CCDC171: variants seen among roughly 807,000 people sequenced by gnomAD.
CCDC171 encodes coiled-coil domain-containing protein 171.
CCDC171 carries 177 observed loss-of-function variants against 168.2 expected under a neutral mutation model. The observed-to-expected ratio is 1.05, with a 90% CI of 0.93 to 1.19. The LOEUF is 1.19. CCDC171 is among the 50% of genes most tolerant of loss of function. CCDC171 has a pLI of 0.00. For synonymous variants in CCDC171, 687 were observed against 540.8 expected, an observed-to-expected ratio of 1.27 and a Z score of -3.75; for missense variants, 1,991 against 1,539.0, an observed-to-expected ratio of 1.29 and a Z score of -4.91.
intron 18 of CCDC171, among the ~76,000 whole-genome samples, chr9:15,752,212 G>T (rs965444455): frequency 1.7e-4 from 26 of 152,070 alleles, no homozygotes; most frequent in Admixed American, 1.7e-3. Flanking sequence ...AGTTACCATC[G>T]CACACCAGTT....
intron 18 of CCDC171, among the ~76,000 whole-genome samples, chr9:15,763,487 T>C (rs118130387): frequency 1.3e-5 from 2 of 152,256 alleles, no homozygotes; most frequent in Non-Finnish European, 2.9e-5. Context: ...GCATAAACTA[T>C]CAGATGCTCA....
chr9:15,882,104 A>G (rs1007513922), intron 24 of CCDC171, among the ~76,000 whole-genome samples: 2 of 152,118 alleles, frequency 1.3e-5, no homozygotes, highest in Non-Finnish European at 2.9e-5. Flanking sequence ...ACTGGCATCC[A>G]TTATTGCCTG....
At chr9:15,575,763 C>T (rs2040600956) in intron 3 of CCDC171, among the ~76,000 whole-genome samples, 1 of 152,200 alleles carries the variant, frequency 6.6e-6, no homozygotes, top group South Asian at 2.1e-4. Flanking sequence ...TGAGTATCAT[C>T]AATAGAAATC....
At chr9:15,639,718 A>G (rs1564112844) in intron 7 of CCDC171, among the ~76,000 whole-genome samples, 1 of 152,144 alleles carries the variant, frequency 6.6e-6, no homozygotes. Flanking sequence ...AGAACTGCAT[A>G]GTTAATCATG....
intron 3 of CCDC171, among the ~76,000 whole-genome samples, chr9:16,008,485 C>A (rs1051562632): frequency 1.3e-5 from 2 of 152,184 alleles, no homozygotes; most frequent in South Asian, 2.1e-4. Context: ...ACCTTTCATG[C>A]GTCCAGAAAT....
At chr9:15,806,897 GT>G (rs2059109004) in intron 21 of CCDC171, among the ~76,000 whole-genome samples, 1 of 152,064 alleles carries the variant, frequency 6.6e-6, no homozygotes, top group South Asian at 2.1e-4. Flanking sequence ...GTAATCCCAT[GT>G]TTCTCAGAGG....
intron 25 of CCDC171, among the ~76,000 whole-genome samples, chr9:15,951,004 A>G (rs3124461): frequency 0.44 from 66,520 of 149,606 alleles, 15,082 homozygotes; most frequent in African/African-American, 0.51. Flanking sequence ...CTTTAAACCA[A>G]CAAAGATCAA....
Position 15,962,103 on chromosome 9 carries a change from C to A in CCDC171, c.3754-9506C>A, listed in dbSNP as rs1830400875. On this transcript the variant is annotated intron_variant, in intron 25 of 25. Coordinates refer to ENST00000380701, the MANE Select transcript of CCDC171 (RefSeq NM_173550.4). ...GTCCATAAATAAAGTTATATTGGAA[C>A]ACAGCCATGCTCATTCATTTACATA... Among the ~76,000 whole-genome samples, 6 of 152,130 alleles carry A rather than the reference C, an allele frequency of 3.9e-5. No individual in the cohort carries two copies. In the South Asian group the frequency reaches 1.2e-3, roughly 32 times the overall value.
chr9:15,663,453 C>G (rs981626664), intron 8 of CCDC171, among the ~76,000 whole-genome samples: 1 of 151,972 alleles, frequency 6.6e-6, no homozygotes, highest in Non-Finnish European at 1.5e-5. Flanking sequence ...TTCCTCTACC[C>G]TCCTGCCTGC....
At chr9:15,659,945 G>C (rs546294221) in intron 8 of CCDC171, among the ~76,000 whole-genome samples, 7 of 152,144 alleles carry the variant, frequency 4.6e-5, no homozygotes, top group African/African-American at 1.4e-4. Flanking sequence ...TACATCAAAG[G>C]CTACTTATAT....
chr9:15,976,463 A>G (rs1420231779), downstream of CCDC171, among the ~76,000 whole-genome samples: 3 of 152,066 alleles, frequency 2.0e-5, no homozygotes, highest in South Asian at 4.1e-4. Context: ...TTAACCTGTG[A>G]TTTCAATGTA....
intron 7 of CCDC171, among the ~76,000 whole-genome samples, chr9:15,646,858 C>G (rs951025208): frequency 6.6e-6 from 1 of 152,162 alleles, no homozygotes; most frequent in African/African-American, 2.4e-5. Flanking sequence ...AGAAAGTTAA[C>G]AAGGATATCC....
intron 11 of CCDC171, among the ~76,000 whole-genome samples, chr9:15,710,350 C>G (rs1257982635): frequency 6.6e-6 from 1 of 151,904 alleles, no homozygotes; most frequent in Non-Finnish European, 1.5e-5. Flanking sequence ...CTCTGTCACC[C>G]AGGCTGGAGT....
At chr9:15,736,641 G>A (rs1158841789) in intron 16 of CCDC171, among the ~76,000 whole-genome samples, 1 of 149,078 alleles carries the variant, frequency 6.7e-6, no homozygotes, top group Non-Finnish European at 1.5e-5. Context: ...TGTGAGCCAC[G>A]GTGCCCGGCT....
At chr9:15,969,036 G>T (rs1029548410) in intron 25 of CCDC171, among the ~76,000 whole-genome samples, 2 of 152,076 alleles carry the variant, frequency 1.3e-5, no homozygotes, top group African/African-American at 4.8e-5. Context: ...AAATCTCTCT[G>T]TCTCTCTTTT....
At chr9:15,720,305 T>G (rs1200553800) in intron 11 of CCDC171, among the ~76,000 whole-genome samples, 1 of 152,200 alleles carries the variant, frequency 6.6e-6, no homozygotes, top group African/African-American at 2.4e-5. Context: ...TAAGTTCTAA[T>G]AATAGAATAT....
intron 21 of CCDC171, among the ~76,000 whole-genome samples, chr9:15,840,174 A>C (rs2060617242): frequency 2.0e-5 from 3 of 152,108 alleles, no homozygotes; most frequent in Admixed American, 2.0e-4. Flanking sequence ...CAATTCTCGA[A>C]GTTGAAAGAT....
intron 23 of CCDC171, among the ~76,000 whole-genome samples, chr9:15,857,569 T>C (rs1472598573): frequency 2.0e-5 from 3 of 151,838 alleles, no homozygotes; most frequent in Non-Finnish European, 2.9e-5. Context: ...ACTACAGTAA[T>C]ACACCACCAT....
intron 25 of CCDC171, among the ~76,000 whole-genome samples, chr9:15,943,682 T>C (rs1827973676): frequency 6.6e-6 from 1 of 152,052 alleles, no homozygotes; most frequent in Non-Finnish European, 1.5e-5. Flanking sequence ...TGAAGAGTTC[T>C]AAAATCTTTT....
Sources: allele counts gnomAD v4.1 joint callset (sites outside exome capture counted in the v4.1 genomes callset), GRCh38; gene constraint gnomAD v4.1.1; transcripts MANE v1.5; gene names NCBI Gene and HGNC (gene_info 2026-07-23, HGNC 2026-07-21).